The following DDHD2 variants were observed in gnomAD, a reference collection of about 807,000 sequenced individuals.
DDHD2 encodes DDHD domain containing 2.
In DDHD2, 62 loss-of-function variants were observed where a neutral mutation model predicts 91.2. The observed-to-expected ratio is 0.68, with a 90% CI of 0.55 to 0.84. The LOEUF is 0.84. Among genes scored for constraint, DDHD2 ranks in the 40% least tolerant of loss-of-function variants. DDHD2 has a pLI of 0.00. For synonymous variants in DDHD2, 271 were observed against 293.9 expected (o/e 0.92, Z 0.80); for missense variants, 740 against 846.9 (o/e 0.87, Z 1.57).
chr8:38,246,764 C>T (rs1174388178), intron 9 of DDHD2: 1 of 165,438 alleles, frequency 6.0e-6, no homozygotes, highest in Non-Finnish European at 1.3e-5. Flanking sequence ...ATCGCTTGAA[C>T]CTGGGAGGTG....
At chr8:38,272,449 G>C (rs905399631), downstream of DDHD2, 1 of 152,240 alleles carries the variant, frequency 6.6e-6, no homozygotes, top group Non-Finnish European at 1.5e-5. Flanking sequence ...CAGGAATGAA[G>C]AGCCATCCAC....
At chr8:38,266,479 C>T (rs1009228874), downstream of DDHD2, 2 of 603,200 alleles carry the variant, frequency 3.3e-6, no homozygotes, top group Admixed American at 6.2e-5. Flanking sequence ...CGGCTCACTG[C>T]AACCTCCACC....
chr8:38,232,969 G>A lies in DDHD2; in HGVS notation c.-8-18G>A. The A allele has an allele frequency of 1.9e-6, 3 of 1,602,342 alleles. No homozygotes were observed. The highest frequency in any genetic ancestry group is 2.6e-6 in the Non-Finnish European group (3 of 1,172,408). Reference sequence around the variant, plus strand: ...CACAGTTAAGTTCGTTTTCCTGATAGTTTTCTTTTGTCTTTAGAGAGCGAA... The same window carrying A: ...CACAGTTAAGTTCGTTTTCCTGATAATTTTCTTTTGTCTTTAGAGAGCGAA... On this transcript the variant is annotated intron_variant, in intron 1 of 17. Transcript: ENST00000397166.
At chr8:38,238,312 C>A in intron 5 of DDHD2, 103 bp downstream of exon 5, 1 of 1,523,696 alleles carries the variant, frequency 6.6e-7, no homozygotes, top group Non-Finnish European at 8.8e-7. Context: ...GCTTAAAAAT[C>A]ATCTTTAATC....
At chr8:38,269,130 A>T (rs761170544) in intron 1 of DDHD2, 3 of 1,522,016 alleles carry the variant, frequency 2.0e-6, no homozygotes, top group Non-Finnish European at 2.6e-6. Context: ...TCTTACAGGA[A>T]GGCCGCGAAC....
chr8:38,237,457 A>G, intron 3 of DDHD2, 81 bp from the exon 4 acceptor site: 1 of 664,016 alleles, frequency 1.5e-6, no homozygotes. Flanking sequence ...GAAACTCATT[A>G]ATACATAGTA....
Position 38,246,225 on chromosome 8 carries a change from A to G in DDHD2, c.1058-8A>G, listed in dbSNP as rs1805624519. 1 of 1,587,288 alleles carries G rather than the reference A, an allele frequency of 6.3e-7. No homozygotes were observed. Among genetic ancestry groups the G allele is most frequent in the African/African-American group, 1.3e-5 (1 of 74,270 alleles). ...TAGAAATTGTCCCTTCTTCTATTTT[A>G]CTTATAGGTTCGCTTATATTGTTTG... On this transcript the variant is annotated splice_region_variant and splice_polypyrimidine_tract_variant and intron_variant, in intron 8 of 17. Transcript: ENST00000397166.
At position 38,237,642 on chromosome 8, in the gene DDHD2, T is replaced by G; in HGVS notation, c.501+15T>G. On this transcript the variant is annotated intron_variant, in intron 4 of 17. Coordinates refer to ENST00000397166, the MANE Select transcript of DDHD2 (RefSeq NM_015214.3). ...ACAATCCAAAGGTAAAACAAAGCAT[T>G]TCTCTTGTCGGGATAAAAAGTTAAT... 1 of 1,447,902 alleles carries G rather than the reference T, an allele frequency of 6.9e-7. No individual in the cohort carries two copies. Among genetic ancestry groups the G allele is most frequent in the Non-Finnish European group, 9.5e-7 (1 of 1,055,632 alleles). 89.7% of individuals were successfully genotyped at this position (1,447,902 alleles called of 1,614,324 possible).
chr8:38,268,728 C>T (rs1808142679), intron 1 of DDHD2: 1 of 1,434,138 alleles, frequency 7.0e-7, no homozygotes, highest in African/African-American at 1.4e-5. Flanking sequence ...CAATCAGGAT[C>T]TTAAACACTC....
In DDHD2 at chr8:38,249,720, G is replaced by T; in HGVS notation, c.1261G>T (p.Asp421Tyr). ...TTTCTATGCCTAGGCTTTATGTACAGACCGAGATCTTCAGGAAATAGGAAT... is the reference window on the plus strand; with the variant it reads ...TTTCTATGCCTAGGCTTTATGTACATACCGAGATCTTCAGGAAATAGGAAT... Reference protein sequence around the residue: ...VDKEALALCTDRDLQEIGIPL... With the variant: ...VDKEALALCTYRDLQEIGIPL... The change falls in exon 11 of 18, where the codon GAC becomes TAC. Residue 421 changes from aspartate to tyrosine, a missense_variant. This residue lies in a region of DDHD2 where 693 missense variants were observed against 764.2 expected (regional missense o/e 0.91). Coordinates refer to ENST00000397166, the MANE Select transcript of DDHD2 (RefSeq NM_015214.3). 6.2e-7 allele frequency: 1 copy of T among 1,609,256 alleles called. No individual in the cohort carries two copies. The highest frequency in any genetic ancestry group is 1.1e-5 in the South Asian group (1 of 90,876).
chr8:38,240,230 A>G, intron 5 of DDHD2, 45 bp from the exon 6 acceptor site: 1 of 1,175,886 alleles, frequency 8.5e-7, no homozygotes, highest in Non-Finnish European at 1.2e-6. Context: ...ATTAGAATAC[A>G]TGACTAATTA....
chr8:38,264,278 G>C, downstream of DDHD2: 1 of 721,844 alleles, frequency 1.4e-6, no homozygotes, highest in Non-Finnish European at 2.0e-6. Context: ...CTCCCAGGTA[G>C]CTGGGATTAC....
intron 7 of DDHD2, among the ~76,000 whole-genome samples, chr8:38,244,409 T>G (rs1378051308): frequency 6.8e-6 from 1 of 146,676 alleles, no homozygotes; most frequent in Non-Finnish European, 1.5e-5. Flanking sequence ...ACTACAGTCA[T>G]GCGCCACAAT....
intron 11 of DDHD2, 159 bp from the exon 12 acceptor site, chr8:38,251,753 C>CT (rs1392002153): frequency 1.5e-4 from 84 of 571,238 alleles, no homozygotes; most frequent in Middle Eastern, 4.6e-4. Flanking sequence ...GCTCCCCATA[C>CT]TTTTTTTTTA....
chr8:38,240,980 A>G (rs901205284), intron 6 of DDHD2, among the ~76,000 whole-genome samples: 1 of 151,592 alleles, frequency 6.6e-6, no homozygotes, highest in African/African-American at 2.4e-5. Flanking sequence ...CTGAGGCAAG[A>G]GAATCACTTA....
chr8:38,238,246 G>A (rs762907249), intron 5 of DDHD2, 37 bp downstream of exon 5: 5 of 1,610,944 alleles, frequency 3.1e-6, no homozygotes, highest in Admixed American at 1.7e-5. Flanking sequence ...ACCTTTGGAT[G>A]TATTTGTTTA....
intron 3 of DDHD2, among the ~76,000 whole-genome samples, chr8:38,236,064 G>A (rs762650725): frequency 6.6e-6 from 1 of 152,212 alleles, no homozygotes; most frequent in Non-Finnish European, 1.5e-5. Flanking sequence ...CCAGGCTGGA[G>A]TGCAGTGGCA....
At chr8:38,269,292 G>A in intron 1 of DDHD2, 1 of 1,257,836 alleles carries the variant, frequency 8.0e-7, no homozygotes, top group Non-Finnish European at 1.0e-6. Flanking sequence ...TCTCCCAGTT[G>A]CCCGCGCTCC....
At chr8:38,251,862 T>A in intron 11 of DDHD2, 50 bp from the exon 12 acceptor site, 1 of 1,352,382 alleles carries the variant, frequency 7.4e-7, no homozygotes, top group Non-Finnish European at 1.1e-6. Context: ...GGACTACAGG[T>A]GCATGCCGTC....
Sources: allele counts gnomAD v4.1 joint callset (sites outside exome capture counted in the v4.1 genomes callset), GRCh38; gene constraint gnomAD v4.1.1; regional missense constraint gnomAD v4.1.1; transcripts MANE v1.5; gene names NCBI Gene and HGNC (gene_info 2026-07-23, HGNC 2026-07-21).